Variants in CHCHD3 observed in about 807,000 individuals in gnomAD.
CHCHD3 encodes the protein MICOS complex subunit MIC19.
CHCHD3 carries 20 observed loss-of-function variants against 38.2 expected under a neutral mutation model. The ratio of observed to expected loss-of-function variants is 0.52; its 90% CI spans 0.37 to 0.76. The LOEUF is 0.76. Among genes scored for constraint, CHCHD3 ranks in the 30% least tolerant of loss-of-function variants. The pLI is 0.00. For missense variants in CHCHD3, 245 were observed against 279.2 expected (o/e 0.88, Z 0.87); for synonymous variants, 82 against 100.0 (o/e 0.82, Z 1.07).
chr7:133,008,424 A>AG (rs1773820999), intron 3 of CHCHD3, among the ~76,000 whole-genome samples: 3 of 151,352 alleles, frequency 2.0e-5, no homozygotes, highest in Non-Finnish European at 4.4e-5. Flanking sequence ...CATGCAGAAA[A>AG]GAAAAAAAAA....
chr7:132,850,753 C>A (rs1267504936), intron 5 of CHCHD3, among the ~76,000 whole-genome samples: 1 of 152,096 alleles, frequency 6.6e-6, no homozygotes, highest in Non-Finnish European at 1.5e-5. Context: ...TTAACGTTAT[C>A]ATGAAGGAGA....
intron 4 of CHCHD3, among the ~76,000 whole-genome samples, chr7:132,969,849 A>G (rs1344518373): frequency 2.6e-5 from 4 of 152,106 alleles, no homozygotes; most frequent in Non-Finnish European, 5.9e-5. Context: ...GACTAAATGG[A>G]CCCCCTCTTG....
chr7:132,807,108 CA>C (rs1177873688), intron 6 of CHCHD3, among the ~76,000 whole-genome samples: 1 of 152,052 alleles, frequency 6.6e-6, no homozygotes, highest in Non-Finnish European at 1.5e-5. Context: ...TAAGCCCACG[CA>C]TGAGAAAAAA....
chr7:132,809,056 C>T (rs1486345375), intron 6 of CHCHD3, among the ~76,000 whole-genome samples: 3 of 151,902 alleles, frequency 2.0e-5, no homozygotes, highest in African/African-American at 7.3e-5. Context: ...CTCAGGTGAT[C>T]CTCCCACCTC....
intron 7 of CHCHD3, among the ~76,000 whole-genome samples, chr7:132,790,711 A>G (rs1433999308): frequency 1.3e-5 from 2 of 152,154 alleles, no homozygotes; most frequent in African/African-American, 4.8e-5. Context: ...AACCTTCTTG[A>G]TTATCTTCGT....
At chr7:132,864,675 C>T (rs555057826) in intron 5 of CHCHD3, among the ~76,000 whole-genome samples, 2 of 152,062 alleles carry the variant, frequency 1.3e-5, no homozygotes, top group East Asian at 1.9e-4. Context: ...GAAATGTACC[C>T]CAAGTCTAAA....
At chr7:133,052,601 C>A (rs1814199094) in intron 2 of CHCHD3, among the ~76,000 whole-genome samples, 2 of 152,204 alleles carry the variant, frequency 1.3e-5, no homozygotes, top group Admixed American at 1.3e-4. Context: ...AATGCTCATA[C>A]TAACATATCT....
chr7:133,073,949 C>T (rs1168314897), intron 1 of CHCHD3, among the ~76,000 whole-genome samples: 1 of 152,154 alleles, frequency 6.6e-6, no homozygotes, highest in Non-Finnish European at 1.5e-5. Flanking sequence ...CTCTCCTGTA[C>T]CATTGGGAGG....
At chr7:132,822,820 A>AAAAACAAAACAAAAC (rs367839827) in intron 6 of CHCHD3, among the ~76,000 whole-genome samples, 27 of 150,578 alleles carry the variant, frequency 1.8e-4, no homozygotes, top group African/African-American at 5.2e-4. Context: ...GCCCCCCACC[A>AAAAACAAAACAAAAC]AAAACAAAAC....
At chr7:133,012,111 G>A (rs1812893163) in intron 3 of CHCHD3, among the ~76,000 whole-genome samples, 1 of 152,186 alleles carries the variant, frequency 6.6e-6, no homozygotes, top group Non-Finnish European at 1.5e-5. Context: ...AGTAGTTTGA[G>A]GAGAGAGCTT....
intron 1 of CHCHD3, among the ~76,000 whole-genome samples, chr7:133,075,233 G>A (rs1814946328): frequency 6.6e-6 from 1 of 152,144 alleles, no homozygotes; most frequent in Non-Finnish European, 1.5e-5. Flanking sequence ...ACATTTCCCA[G>A]TGGGATGTTT....
chr7:132,813,893 T>G (rs1807136307), intron 6 of CHCHD3, among the ~76,000 whole-genome samples: 1 of 152,178 alleles, frequency 6.6e-6, no homozygotes, highest in Admixed American at 6.5e-5. Context: ...AACATAAACC[T>G]ACATATCTTT....
chr7:132,785,322 AT>A lies in CHCHD3; in HGVS notation c.*314del. The A allele has an allele frequency of 3.2e-6, 1 of 310,994 alleles. No individual in the cohort carries two copies. The highest frequency in any genetic ancestry group is 5.9e-6 in the Non-Finnish European group (1 of 169,116). 19.3% of individuals were successfully genotyped at this position (310,994 alleles called of 1,614,324 possible). On this transcript the variant is annotated 3_prime_UTR_variant, in exon 8 of 8. Transcript: ENST00000262570. ...GATGGGGCTTGTTCAGAAGAGAAAC[AT>A]TTTATGGTCAGTGCAAGTTGAATAG... is the stretch of plus-strand genomic sequence containing the variant.
chr7:132,850,447 TTTG>T (rs1353778323), intron 5 of CHCHD3, among the ~76,000 whole-genome samples: 2 of 35,390 alleles, frequency 5.7e-5, no homozygotes, highest in Non-Finnish European at 7.0e-5. Flanking sequence ...GGTTTTTTTT[TTTG>T]TTTTTTTTTT....
At chr7:133,046,215 C>G (rs928587522) in intron 2 of CHCHD3, among the ~76,000 whole-genome samples, 1 of 152,066 alleles carries the variant, frequency 6.6e-6, no homozygotes, top group African/African-American at 2.4e-5. Flanking sequence ...AGTTCTTAAC[C>G]TGGGAATTCA....
rs182947741 is a variant in CHCHD3 at position 132,934,453 on chromosome 7, T to A, written c.369+40716A>T. On this transcript the variant is annotated intron_variant, in intron 4 of 7. Coordinates refer to ENST00000262570, the MANE Select transcript of CHCHD3 (RefSeq NM_017812.4). ...AGGGAAATGCTGCAGTCCACAGTTC[T>A]CTATCATCTGACCCCACATCGCTGT... Among the ~76,000 whole-genome samples, 565 of 152,344 alleles carry A rather than the reference T, an allele frequency of 3.7e-3. 2 individuals carry two copies. The highest frequency in any genetic ancestry group is 0.013 in the African/African-American group (543 of 41,570).
intron 2 of CHCHD3, among the ~76,000 whole-genome samples, chr7:133,062,930 G>A (rs559090272): frequency 9.9e-5 from 15 of 152,230 alleles, no homozygotes; most frequent in Non-Finnish European, 1.9e-4. Flanking sequence ...CGTTAACTAG[G>A]AAATCAATGG....
chr7:132,939,257 G>A (rs939247195), intron 4 of CHCHD3, among the ~76,000 whole-genome samples: 1 of 152,152 alleles, frequency 6.6e-6, no homozygotes, highest in Admixed American at 6.5e-5. Flanking sequence ...AAATTCTATA[G>A]TAATAGTATA....
chr7:132,960,835 A>G (rs1487932663), intron 4 of CHCHD3, among the ~76,000 whole-genome samples: 1 of 152,044 alleles, frequency 6.6e-6, no homozygotes, highest in East Asian at 1.9e-4. Flanking sequence ...AAAATTCACC[A>G]GGTATGGTGG....
Sources: gnomAD v4.1 joint callset for allele counts (sites outside exome capture counted in the v4.1 genomes callset) on GRCh38, gnomAD v4.1.1 for gene constraint, MANE v1.5 for transcripts, NCBI Gene and HGNC (gene_info 2026-07-23, HGNC 2026-07-21) for gene names.